DLG2: variants seen among roughly 807,000 people sequenced by gnomAD.
The protein encoded by DLG2 is disks large homolog 2.
Under a neutral mutation model 132.5 loss-of-function variants are expected in DLG2, and 45 were observed. That is an observed-to-expected ratio of 0.34 (90% CI 0.27 to 0.44). The LOEUF is 0.44. DLG2 is among the 20% of genes least tolerant of loss of function. DLG2 has a pLI of 1.00. For missense variants in DLG2, 1,045 were observed against 1,196.9 expected, an observed-to-expected ratio of 0.87 and a Z score of 1.87; for synonymous variants, 424 against 419.6, an observed-to-expected ratio of 1.01 and a Z score of -0.13.
chr11:85,014,346 T>G (rs1244096011), intron 6 of DLG2, among the ~76,000 whole-genome samples: 1 of 152,204 alleles, frequency 6.6e-6, no homozygotes. Flanking sequence ...TATGTTTTAG[T>G]TCCTTGTAAT....
At chr11:85,496,813 C>T (rs1272553454) in intron 3 of DLG2, among the ~76,000 whole-genome samples, 1 of 152,178 alleles carries the variant, frequency 6.6e-6, no homozygotes, top group African/African-American at 2.4e-5. Context: ...CATCAAACTC[C>T]AACAGACCTG....
intron 6 of DLG2, among the ~76,000 whole-genome samples, chr11:84,603,034 GAATAA>G (rs1211023920): frequency 1.3e-5 from 2 of 151,936 alleles, no homozygotes; most frequent in Non-Finnish European, 2.9e-5. Context: ...AAATAGAATA[GAATAA>G]AATACTGAAA....
intron 7 of DLG2, among the ~76,000 whole-genome samples, chr11:84,469,527 A>G (rs2099103156): frequency 6.6e-6 from 1 of 151,664 alleles, no homozygotes; most frequent in African/African-American, 2.4e-5. Context: ...AGACATTTGC[A>G]TCACATATTG....
intron 16 of DLG2, among the ~76,000 whole-genome samples, chr11:83,866,677 T>A (rs1233830391): frequency 6.6e-6 from 1 of 151,954 alleles, no homozygotes; most frequent in Non-Finnish European, 1.5e-5. Context: ...CTTTAAAAGG[T>A]TTTCAAGGAA....
chr11:84,054,709 T>C (rs150581503), intron 11 of DLG2, among the ~76,000 whole-genome samples: 3 of 152,162 alleles, frequency 2.0e-5, no homozygotes. Flanking sequence ...ATTAGTAATT[T>C]TTGCAATAGA....
intron 6 of DLG2, among the ~76,000 whole-genome samples, chr11:84,742,642 T>A (rs2064837537): frequency 6.6e-6 from 1 of 152,212 alleles, no homozygotes; most frequent in Admixed American, 6.5e-5. Flanking sequence ...GAACCTTTAT[T>A]GAGACATCAT....
chr11:83,775,107 G>GA (rs2094534042), intron 18 of DLG2, among the ~76,000 whole-genome samples: 1 of 151,982 alleles, frequency 6.6e-6, no homozygotes, highest in African/African-American at 2.4e-5. Flanking sequence ...CGCTACTGTC[G>GA]GACTCCGTTC....
chr11:84,904,287 G>T (rs537634294), intron 6 of DLG2, among the ~76,000 whole-genome samples: 1 of 152,034 alleles, frequency 6.6e-6, no homozygotes, highest in Admixed American at 6.5e-5. Context: ...TTTTCTTCAA[G>T]ATCACATTTT....
chr11:85,506,208 T>C (rs2093929470), intron 3 of DLG2, among the ~76,000 whole-genome samples: 1 of 152,216 alleles, frequency 6.6e-6, no homozygotes, highest in Admixed American at 6.5e-5. Context: ...TTTGTATCTC[T>C]GTCTCCTTCA....
intron 5 of DLG2, among the ~76,000 whole-genome samples, chr11:85,143,903 G>C (rs1470620781): frequency 1.3e-5 from 2 of 151,892 alleles, no homozygotes; most frequent in Non-Finnish European, 2.9e-5. Flanking sequence ...GCATTCTGCA[G>C]CTTTTGGATA....
At chr11:84,790,877 T>TTGAAAATG (rs1231770091) in intron 6 of DLG2, among the ~76,000 whole-genome samples, 4 of 152,248 alleles carry the variant, frequency 2.6e-5, no homozygotes, top group African/African-American at 7.2e-5. Flanking sequence ...GGCACCTTTG[T>TTGAAAATG]TGAAAATGAC....
In DLG2 at chr11:84,065,437, T is replaced by C. The variant is rs188634207; in HGVS notation, c.750-5953A>G. On this transcript the variant is annotated intron_variant, in intron 10 of 27. Transcript: ENST00000376104. ...AACAGACACTTTTCAAAAGAAGACA[T>C]AGACATGGCCAGCAAGCATATGAAA... Among the ~76,000 whole-genome samples, 5 of 152,178 alleles carry C rather than the reference T, an allele frequency of 3.3e-5. No individual in the cohort carries two copies. The East Asian group carries it at 9.7e-4, about 29-fold the overall frequency.
chr11:84,606,809 C>T (rs1174757623), intron 6 of DLG2, among the ~76,000 whole-genome samples: 1 of 152,052 alleles, frequency 6.6e-6, no homozygotes, highest in Non-Finnish European at 1.5e-5. Flanking sequence ...GACATTGATG[C>T]GTTAAGCTCC....
intron 7 of DLG2, among the ~76,000 whole-genome samples, chr11:84,431,207 C>T (rs1222224010): frequency 6.6e-6 from 1 of 152,074 alleles, no homozygotes; most frequent in Non-Finnish European, 1.5e-5. Context: ...TTACACATAA[C>T]ATATATATAC....
intron 19 of DLG2, among the ~76,000 whole-genome samples, chr11:83,561,982 G>A (rs1028415290): frequency 1.4e-5 from 2 of 139,822 alleles, no homozygotes; most frequent in Admixed American, 7.7e-5. Context: ...TTCACCTCCC[G>A]GGTTCAAGCA....
At chr11:84,158,939 C>A (rs890786179) in intron 9 of DLG2, among the ~76,000 whole-genome samples, 1 of 152,154 alleles carries the variant, frequency 6.6e-6, no homozygotes, top group Admixed American at 6.5e-5. Flanking sequence ...CTCATGTATT[C>A]ATCACAACGG....
chr11:85,322,082 C>T (rs1038015146), intron 3 of DLG2, among the ~76,000 whole-genome samples: 10 of 152,026 alleles, frequency 6.6e-5, no homozygotes, highest in Admixed American at 5.9e-4. Flanking sequence ...TACCTACTCT[C>T]CAAACCTTAT....
At chr11:84,080,732 A>G (rs2051472) in intron 10 of DLG2, among the ~76,000 whole-genome samples, 129,772 of 152,078 alleles carry the variant, frequency 0.85, 55,826 homozygotes, top group Middle Eastern at 0.95. Context: ...TGGCTTACAC[A>G]TAAAATCCCA....
chr11:84,726,203 T>G, intron 6 of DLG2, among the ~76,000 whole-genome samples: 1 of 152,232 alleles, frequency 6.6e-6, no homozygotes, highest in African/African-American at 2.4e-5. Context: ...GGCATGGTGG[T>G]TTGCTGCAAC....
Sources: gnomAD v4.1 joint callset for allele counts (sites outside exome capture counted in the v4.1 genomes callset) on GRCh38, gnomAD v4.1.1 for gene constraint, MANE v1.5 for transcripts, NCBI Gene and HGNC (gene_info 2026-07-23, HGNC 2026-07-21) for gene names.